SERPINE2: variants seen among roughly 807,000 people sequenced by gnomAD.
The protein encoded by SERPINE2 is glia-derived nexin.
A neutral mutation model predicts 36.3 loss-of-function variants in SERPINE2; 14 were observed. The observed-to-expected ratio is 0.39, with a 90% CI of 0.25 to 0.60. The LOEUF (loss-of-function observed/expected upper bound fraction) is 0.60. Among genes scored for constraint, SERPINE2 ranks in the 20% least tolerant of loss-of-function variants. The pLI is 0.57. For synonymous variants in SERPINE2, 192 were observed against 191.8 expected (o/e 1.00, Z -0.01); for missense variants, 418 against 499.6 (o/e 0.84, Z 1.56).
chr2:224,037,343 T>G (rs1398935568), intron 1 of SERPINE2, among the ~76,000 whole-genome samples: 1 of 152,104 alleles, frequency 6.6e-6, no homozygotes, highest in Non-Finnish European at 1.5e-5. Flanking sequence ...CATTGAAGAT[T>G]ACAGTGGGAG....
chr2:223,986,396 G>T (rs1298973795), intron 4 of SERPINE2, among the ~76,000 whole-genome samples: 1 of 152,082 alleles, frequency 6.6e-6, no homozygotes. Context: ...CTTCTGTCTT[G>T]CGGCAACCTA....
intron 1 of SERPINE2, among the ~76,000 whole-genome samples, chr2:224,020,647 C>A (rs757901192): frequency 1.3e-5 from 2 of 152,176 alleles, no homozygotes; most frequent in African/African-American, 4.8e-5. Flanking sequence ...AAATGCCCCA[C>A]GAGTCATTTA....
At chr2:223,976,806 G>A (rs922688411) in intron 8 of SERPINE2, among the ~76,000 whole-genome samples, 2 of 152,182 alleles carry the variant, frequency 1.3e-5, no homozygotes, top group Non-Finnish European at 2.9e-5. Flanking sequence ...AATTCCCAAG[G>A]TATAACAATA....
chr2:224,011,027 A>G (rs1229762252), intron 1 of SERPINE2, among the ~76,000 whole-genome samples: 2 of 152,192 alleles, frequency 1.3e-5, no homozygotes, highest in East Asian at 1.9e-4. Context: ...TGAGGGGTCC[A>G]TTACTGTGGG....
At chr2:223,993,742 GATAA>G (rs1226444536) in intron 3 of SERPINE2, among the ~76,000 whole-genome samples, 1 of 152,128 alleles carries the variant, frequency 6.6e-6, no homozygotes, top group Non-Finnish European at 1.5e-5. Flanking sequence ...CATAAATCAT[GATAA>G]ATAAACACTG....
chr2:223,983,600 T>G (rs34093989), intron 5 of SERPINE2, among the ~76,000 whole-genome samples: 2,376 of 152,010 alleles, frequency 0.016, 49 homozygotes, highest in Middle Eastern at 0.092. Context: ...GGAGCAAAGA[T>G]TAGGCATAGG....
intron 4 of SERPINE2, among the ~76,000 whole-genome samples, chr2:223,989,994 G>A (rs1275405478): frequency 6.6e-6 from 1 of 152,140 alleles, no homozygotes; most frequent in East Asian, 1.9e-4. Context: ...GAGGAAGAGA[G>A]GGGTGGTGAC....
At chr2:224,035,557 C>T (rs1032655039) in intron 1 of SERPINE2, among the ~76,000 whole-genome samples, 4 of 151,964 alleles carry the variant, frequency 2.6e-5, no homozygotes, top group Non-Finnish European at 2.9e-5. Context: ...TTAGTAGAGA[C>T]GCGGTTTTAC....
chr2:224,030,377 T>C (rs890940592), intron 1 of SERPINE2: 2 of 261,734 alleles, frequency 7.6e-6, no homozygotes, highest in Non-Finnish European at 1.2e-5. Context: ...CACCTGTACT[T>C]CTGTGACAAA....
At chr2:224,011,735 C>T (rs764311368) in intron 1 of SERPINE2, among the ~76,000 whole-genome samples, 1 of 152,148 alleles carries the variant, frequency 6.6e-6, no homozygotes, top group African/African-American at 2.4e-5. Context: ...AACAGTAATA[C>T]CCCTTCTATC....
At chr2:224,026,988 G>A (rs1002267016) in intron 1 of SERPINE2, among the ~76,000 whole-genome samples, 1 of 152,052 alleles carries the variant, frequency 6.6e-6, no homozygotes, top group Non-Finnish European at 1.5e-5. Flanking sequence ...ACAAAGTTTC[G>A]GGCAAAAAGG....
At chr2:224,020,921 G>C (rs769513841) in intron 1 of SERPINE2, among the ~76,000 whole-genome samples, 2 of 152,172 alleles carry the variant, frequency 1.3e-5, no homozygotes, top group African/African-American at 4.8e-5. Flanking sequence ...CACTATGAAT[G>C]GATGGTCAAA....
chr2:223,981,236 C>T (rs1690216562), intron 6 of SERPINE2: 1 of 152,130 alleles, frequency 6.6e-6, no homozygotes, highest in Admixed American at 6.5e-5. Context: ...GCCCAAGTCA[C>T]ATGCAGTGTT....
chr2:224,022,544 C>T (rs567651665), intron 1 of SERPINE2, among the ~76,000 whole-genome samples: 1 of 152,224 alleles, frequency 6.6e-6, no homozygotes, highest in Non-Finnish European at 1.5e-5. Context: ...TATTCTCTTA[C>T]ATTATCTGAC....
At chr2:223,998,403 A>G in intron 2 of SERPINE2, 61 bp from the exon 3 acceptor site, 2 of 1,352,276 alleles carry the variant, frequency 1.5e-6, no homozygotes, top group Non-Finnish European at 2.1e-6. Flanking sequence ...AGTTTTTAAA[A>G]TCTTTTATGT....
intron 1 of SERPINE2, among the ~76,000 whole-genome samples, chr2:224,017,712 G>C (rs73076598): frequency 0.015 from 2,219 of 152,196 alleles, 62 homozygotes; most frequent in African/African-American, 0.052. Context: ...TGTAATAGTA[G>C]TTCTTACTTT....
chr2:224,027,232 G>A (rs909361813), intron 1 of SERPINE2, among the ~76,000 whole-genome samples: 3 of 152,108 alleles, frequency 2.0e-5, no homozygotes, highest in Admixed American at 6.5e-5. Flanking sequence ...CCCTAATCTC[G>A]CATAGGAGGA....
At chr2:224,035,448 T>C (rs1692504015) in intron 1 of SERPINE2, among the ~76,000 whole-genome samples, 1 of 152,112 alleles carries the variant, frequency 6.6e-6, no homozygotes, top group Admixed American at 6.6e-5. Context: ...AGTGGCGCCA[T>C]CTCAGCTCAC....
In SERPINE2 at chr2:223,991,779, AG is replaced by A. The variant is rs1690681928; in HGVS notation, c.685+23del. 7 of 1,612,396 alleles carry A rather than the reference AG, an allele frequency of 4.3e-6. No individual in the cohort carries two copies. The East Asian group carries it at 1.6e-4, about 36-fold the overall frequency. Reference sequence around the variant, plus strand: ...TTCTGCCGCCAGCACATCCTAGAACAGGCTTCGCTGAGCATGAACTCACCAC... The same window carrying A: ...TTCTGCCGCCAGCACATCCTAGAACAGCTTCGCTGAGCATGAACTCACCAC... On this transcript the variant is annotated intron_variant, in intron 4 of 8. Transcript: ENST00000409304.
Sources: gnomAD v4.1 joint callset for allele counts (sites outside exome capture counted in the v4.1 genomes callset) on GRCh38, gnomAD v4.1.1 for gene constraint, MANE v1.5 for transcripts, NCBI Gene and HGNC (gene_info 2026-07-23, HGNC 2026-07-21) for gene names.